The following SHROOM2 variants were observed in gnomAD, a reference collection of about 807,000 sequenced individuals.
SHROOM2 encodes shroom family member 2.
In SHROOM2, 33 loss-of-function variants were observed where a neutral mutation model predicts 75.9. That is an observed-to-expected ratio of 0.43 (90% confidence interval 0.33 to 0.58). SHROOM2 has a LOEUF of 0.58. SHROOM2 is among the 20% of genes least tolerant of loss of function. The probability of loss-of-function intolerance (pLI) is 0.04; values close to 1 mark genes in which losing one functional copy is unlikely to be tolerated. For missense variants in SHROOM2, 1,434 were observed against 1,461.2 expected (o/e 0.98, Z 0.30); for synonymous variants, 655 against 663.6 (o/e 0.99, Z 0.20).
intron 5 of SHROOM2, among the ~76,000 whole-genome samples, chrX:9,929,728 G>A (rs1032082037): frequency 1.8e-5 from 2 of 111,854 alleles, no homozygotes; most frequent in Non-Finnish European, 3.8e-5. Flanking sequence ...ATCTGTTTCT[G>A]TGATGTGGTG....
At chrX:9,822,634 G>A (rs2083858931) in intron 1 of SHROOM2, among the ~76,000 whole-genome samples, 1 of 112,720 alleles carries the variant, frequency 8.9e-6, no homozygotes, top group Non-Finnish European at 1.9e-5. Flanking sequence ...GGGGAGGCGA[G>A]GGCTGAGCAG....
At chrX:9,791,977 AAT>A (rs1156995676) in intron 1 of SHROOM2, among the ~76,000 whole-genome samples, 1 of 29 alleles carries the variant, frequency 0.034, no homozygotes, top group East Asian at 0.17. Flanking sequence ...TCGAGAATAG[AAT>A]AGAATAGAAT....
Position 9,786,677 on chromosome X carries a change from C to A in SHROOM2, c.132C>A (p.Gly44=). The part of the protein sequence containing the change: ...GAPWGFTLKG[G]REHGEPLVIT... ...CGTGGGGCTTCACCCTGAAGGGCGGCCGCGAGCACGGCGAGCCGCTGGTCA... is the reference window on the plus strand; with the variant it reads ...CGTGGGGCTTCACCCTGAAGGGCGGACGCGAGCACGGCGAGCCGCTGGTCA... Residue 44 remains glycine, a synonymous_variant, in exon 1 of 10, where the codon GGC becomes GGA. Coordinates refer to ENST00000380913, the MANE Select transcript of SHROOM2 (RefSeq NM_001649.4). 1 of 889,205 alleles carries A rather than the reference C, an allele frequency of 1.1e-6. No homozygotes were observed. Among genetic ancestry groups the A allele is most frequent in the Non-Finnish European group, 1.4e-6 (1 of 724,735 alleles). 73.3% of individuals were successfully genotyped at this position (889,205 alleles called of 1,213,427 possible). A position where few individuals can be genotyped will look rare whatever the true frequency, so the allele number is the denominator to read the frequency against.
intron 1 of SHROOM2, among the ~76,000 whole-genome samples, chrX:9,855,291 ATAGT>A (rs1337034067): frequency 6.6e-4 from 34 of 51,480 alleles, no homozygotes; most frequent in African/African-American, 2.4e-3. Context: ...AACTTAAAGT[ATAGT>A]AAAAAAAAAA....
chrX:9,814,463 C>G (rs1601921823), intron 1 of SHROOM2, among the ~76,000 whole-genome samples: 1 of 111,069 alleles, frequency 9.0e-6, no homozygotes, highest in Non-Finnish European at 1.9e-5. Flanking sequence ...TGTAGCGCAC[C>G]TCCTCATGGG....
chrX:9,855,857 A>T (rs141597832), intron 1 of SHROOM2, among the ~76,000 whole-genome samples: 181 of 111,246 alleles, frequency 1.6e-3, no homozygotes, highest in African/African-American at 5.2e-3. Flanking sequence ...AACTTGGAAA[A>T]GCAGAGGTGG....
chrX:9,938,721 G>A (rs1390999655), intron 7 of SHROOM2, among the ~76,000 whole-genome samples: 3 of 112,130 alleles, frequency 2.7e-5, no homozygotes, highest in South Asian at 3.7e-4. Context: ...CCAGCACAGC[G>A]TCATTCATGG....
At chrX:9,792,091 GAAT>G (rs2083660770) in intron 1 of SHROOM2, among the ~76,000 whole-genome samples, 1 of 14,784 alleles carries the variant, frequency 6.8e-5, no homozygotes, top group African/African-American at 1.9e-4. Flanking sequence ...GAATAGAATA[GAAT>G]AGAATAGAAT....
At chrX:9,916,255 A>G (rs1368557800) in intron 5 of SHROOM2, among the ~76,000 whole-genome samples, 1 of 112,169 alleles carries the variant, frequency 8.9e-6, no homozygotes, top group Non-Finnish European at 1.9e-5. Context: ...CCTTGCAAAT[A>G]TGTTTTTACA....
intron 1 of SHROOM2, among the ~76,000 whole-genome samples, chrX:9,834,306 C>T (rs1337825115): frequency 4.5e-5 from 5 of 112,181 alleles, no homozygotes; most frequent in African/African-American, 1.6e-4. Context: ...GAGGTGGTGT[C>T]CTCCAGAGGG....
chrX:9,808,448 G>C (rs1408170138), intron 1 of SHROOM2, among the ~76,000 whole-genome samples: 2 of 109,888 alleles, frequency 1.8e-5, no homozygotes, highest in Non-Finnish European at 3.8e-5. Context: ...TTGGGAGCCT[G>C]AGGCTGGAGG....
At chrX:9,884,546 G>A (rs1219068573) in intron 2 of SHROOM2, among the ~76,000 whole-genome samples, 1 of 106,637 alleles carries the variant, frequency 9.4e-6, no homozygotes, top group Non-Finnish European at 1.9e-5. Context: ...CTGTCACCCA[G>A]GCAGAAGAAC....
chrX:9,843,555 C>T (rs1024007251), intron 1 of SHROOM2, among the ~76,000 whole-genome samples: 1 of 111,287 alleles, frequency 9.0e-6, no homozygotes, highest in Non-Finnish European at 1.9e-5. Context: ...TGCACCACTA[C>T]GCCCAGCTAA....
intron 1 of SHROOM2, among the ~76,000 whole-genome samples, chrX:9,797,618 G>T (rs2083702029): frequency 8.9e-6 from 1 of 112,296 alleles, no homozygotes; most frequent in African/African-American, 3.2e-5. Flanking sequence ...AGACCTCCAC[G>T]CCCATTGGCG....
intron 1 of SHROOM2, among the ~76,000 whole-genome samples, chrX:9,865,868 C>A (rs918415668): frequency 1.8e-5 from 2 of 110,357 alleles, no homozygotes; most frequent in African/African-American, 6.6e-5. Flanking sequence ...CCTCCTGCTG[C>A]CTTTTTGGGC....
intron 2 of SHROOM2, among the ~76,000 whole-genome samples, chrX:9,876,974 C>T (rs1413375143): frequency 8.9e-6 from 1 of 112,222 alleles, no homozygotes; most frequent in African/African-American, 3.2e-5. Context: ...GTTTTTTAAA[C>T]ATGATTTGAA....
At chrX:9,937,794 A>G in intron 7 of SHROOM2, 109 bp downstream of exon 7, 1 of 723,356 alleles carries the variant, frequency 1.4e-6, no homozygotes, top group Non-Finnish European at 2.0e-6. Context: ...TTTGGGGAAG[A>G]CGGGTTTTCA....
chrX:9,812,629 G>C, intron 1 of SHROOM2, among the ~76,000 whole-genome samples: 1 of 112,483 alleles, frequency 8.9e-6, no homozygotes, highest in South Asian at 3.7e-4. Flanking sequence ...AATAAGTCCA[G>C]TGTGTTTGCT....
intron 1 of SHROOM2, among the ~76,000 whole-genome samples, chrX:9,811,959 A>G (rs1333474376): frequency 9.0e-6 from 1 of 110,871 alleles, no homozygotes; most frequent in African/African-American, 3.3e-5. Flanking sequence ...CGTATATACC[A>G]CTTCCATTTG....
Sources: allele counts gnomAD v4.1 joint callset (sites outside exome capture counted in the v4.1 genomes callset), GRCh38; gene constraint gnomAD v4.1.1; transcripts MANE v1.5; gene names NCBI Gene and HGNC (gene_info 2026-07-23, HGNC 2026-07-21).